The following CDC14A variants were observed in gnomAD, a reference collection of about 807,000 sequenced individuals.
The protein encoded by CDC14A is cell division cycle 14A.
In CDC14A, 53 loss-of-function variants were observed where a neutral mutation model predicts 74.4. That is an observed-to-expected ratio of 0.71 (90% CI 0.57 to 0.89). CDC14A has a LOEUF of 0.89. CDC14A is among the 40% of genes least tolerant of loss of function. The probability of loss-of-function intolerance (pLI) is 0.00; values close to 1 mark genes in which losing one functional copy is unlikely to be tolerated. For missense variants in CDC14A, 646 were observed against 713.7 expected (o/e 0.91, Z 1.08); for synonymous variants, 247 against 258.4 (o/e 0.96, Z 0.43).
At chr1:100,478,801 G>A (rs28364894) in intron 10 of CDC14A, among the ~76,000 whole-genome samples, 22 of 152,310 alleles carry the variant, frequency 1.4e-4, no homozygotes, top group South Asian at 1.0e-3. Context: ...AGCTTCTACT[G>A]AGTTGGATAT....
At chr1:100,454,582 C>T (rs17122548) in intron 7 of CDC14A, among the ~76,000 whole-genome samples, 18,511 of 152,066 alleles carry the variant, frequency 0.12, 3,334 homozygotes, top group African/African-American at 0.39. Flanking sequence ...CTTCTTAAGC[C>T]TTTTCTGAGG....
intron 7 of CDC14A, among the ~76,000 whole-genome samples, chr1:100,452,962 A>G (rs1202852352): frequency 8.5e-5 from 13 of 152,186 alleles, no homozygotes; most frequent in African/African-American, 3.1e-4. Flanking sequence ...ATAATTCACT[A>G]TGAATAAAGG....
chr1:100,411,413 A>T (rs1206517117), intron 4 of CDC14A, among the ~76,000 whole-genome samples: 1 of 152,012 alleles, frequency 6.6e-6, no homozygotes, highest in Non-Finnish European at 1.5e-5. Context: ...CTATTGCTTT[A>T]AAAAGTTTTT....
intron 3 of CDC14A, 46 bp downstream of exon 3, chr1:100,377,667 A>G (rs1184128726): frequency 2.1e-6 from 3 of 1,436,670 alleles, no homozygotes; most frequent in Admixed American, 3.4e-5. Flanking sequence ...AAACATTTGA[A>G]CCATAGGATC....
At chr1:100,417,926 T>C (rs1418627244) in intron 4 of CDC14A, among the ~76,000 whole-genome samples, 1 of 152,192 alleles carries the variant, frequency 6.6e-6, no homozygotes, top group Non-Finnish European at 1.5e-5. Context: ...TATGGGAAGC[T>C]TGGTTACTTG....
chr1:100,506,433 G>C (rs555757942), intron 15 of CDC14A, among the ~76,000 whole-genome samples: 1 of 152,208 alleles, frequency 6.6e-6, no homozygotes, highest in African/African-American at 2.4e-5. Flanking sequence ...CCTTCCCAAG[G>C]GGACCTGAGA....
chr1:100,419,830 G>C (rs1388742531), intron 4 of CDC14A, among the ~76,000 whole-genome samples: 1 of 151,790 alleles, frequency 6.6e-6, no homozygotes, highest in East Asian at 1.9e-4. Context: ...ACCTGGGAAA[G>C]GCTATTGTCA....
chr1:100,513,558 C>T (rs1649960833), intron 15 of CDC14A, among the ~76,000 whole-genome samples: 2 of 152,268 alleles, frequency 1.3e-5, no homozygotes, highest in Admixed American at 6.5e-5. Context: ...AACATTAAGA[C>T]ATCGTTACAT....
At chr1:100,490,213 C>T (rs1298968621) in intron 11 of CDC14A, among the ~76,000 whole-genome samples, 2 of 152,162 alleles carry the variant, frequency 1.3e-5, no homozygotes, top group African/African-American at 4.8e-5. Context: ...ATATTTATGT[C>T]TGTGTGTCTT....
Position 100,408,716 on chromosome 1 carries a change from G to A in CDC14A, c.310-15506G>A, listed in dbSNP as rs554669125. 5.8e-4 allele frequency among the ~76,000 whole-genome samples: 88 copies of A among 152,204 alleles called. 1 individual carries two copies. The highest frequency in any genetic ancestry group is 1.7e-3 in the African/African-American group (70 of 41,534). On this transcript the variant is annotated intron_variant, in intron 4 of 15. Coordinates refer to ENST00000336454, the MANE Select transcript of CDC14A (RefSeq NM_003672.4). ...TATGCTTGTTGACTGCATGTATGTC[G>A]TCTTTTGAAAGGTGTCTGCTCATGT...
In CDC14A at chr1:100,494,768, T is replaced by C. The variant is rs768130768; in HGVS notation, c.1138-50T>C. The C allele has an allele frequency of 9.2e-6, 9 of 980,670 alleles. No individual in the cohort carries two copies. In the East Asian group the frequency reaches 2.2e-4, roughly 24 times the overall value. The allele number at this position is 980,670 out of a possible 1,614,324, so 60.7% of individuals were successfully genotyped here. ...TATATATGTAGTCTGTTAAGAAACC[T>C]ATATAAAGCCAAATTTTGACCTTTC... On this transcript the variant is annotated intron_variant, in intron 11 of 15. Transcript: ENST00000336454.
At chr1:100,493,467 T>A (rs1170780691) in intron 11 of CDC14A, among the ~76,000 whole-genome samples, 2 of 152,234 alleles carry the variant, frequency 1.3e-5, no homozygotes, top group Non-Finnish European at 2.9e-5. Flanking sequence ...TGATTTCTGT[T>A]CTTGCAGGCT....
intron 5 of CDC14A, among the ~76,000 whole-genome samples, chr1:100,429,536 C>A (rs1353137522): frequency 6.6e-6 from 1 of 151,442 alleles, no homozygotes; most frequent in Non-Finnish European, 1.5e-5. Flanking sequence ...CTTTAAAAAA[C>A]TACTGATCCC....
intron 5 of CDC14A, among the ~76,000 whole-genome samples, chr1:100,436,586 G>A (rs1276913863): frequency 6.6e-6 from 1 of 151,814 alleles, no homozygotes; most frequent in Non-Finnish European, 1.5e-5. Context: ...CACCATGCCT[G>A]GCTAATTTTT....
intron 8 of CDC14A, among the ~76,000 whole-genome samples, chr1:100,457,305 A>G (rs917323456): frequency 6.6e-6 from 1 of 152,226 alleles, no homozygotes; most frequent in East Asian, 1.9e-4. Flanking sequence ...GCATCATAAC[A>G]TAGTTAATAT....
chr1:100,482,173 AT>A (rs1451420291), intron 10 of CDC14A, among the ~76,000 whole-genome samples: 1 of 152,104 alleles, frequency 6.6e-6, no homozygotes, highest in Non-Finnish European at 1.5e-5. Context: ...CAGAATTTTC[AT>A]TTTATAACTT....
At chr1:100,397,200 G>A (rs373889820) in intron 4 of CDC14A, among the ~76,000 whole-genome samples, 1 of 152,150 alleles carries the variant, frequency 6.6e-6, no homozygotes, top group South Asian at 2.1e-4. Flanking sequence ...CTGGAATGAT[G>A]TGGGCACTGG....
In CDC14A at chr1:100,496,049, G is replaced by C. The variant is rs774600719; in HGVS notation, c.1298G>C (p.Arg433Thr). The C allele has an allele frequency of 6.2e-7, 1 of 1,612,866 alleles. No homozygotes were observed. The highest frequency in any genetic ancestry group is 8.5e-7 in the Non-Finnish European group (1 of 1,178,898). The change falls in exon 13 of 16, where the codon AGA (arginine) becomes ACA (threonine). Residue 433 changes from arginine to threonine, a missense_variant and splice_region_variant. Physicochemically the swap from Arg to Thr is moderately conservative, Grantham distance 71 (BLOSUM62 -1). Transcript: ENST00000336454. ...CCAAGAGCAGTGTCCCAGCCTTTCA[G>C]GTACTGCCAATGAGGTTGAATGTCT... The part of the protein sequence containing the change: ...GHPRAVSQPF[R>T]LSSSLQGSAV...
At chr1:100,516,037 A>C (rs1285463609) in intron 15 of CDC14A, among the ~76,000 whole-genome samples, 2 of 152,226 alleles carry the variant, frequency 1.3e-5, no homozygotes, top group Non-Finnish European at 2.9e-5. Context: ...GGGGTTGGAA[A>C]AGGAAATAGT....
Sources: allele counts gnomAD v4.1 joint callset (sites outside exome capture counted in the v4.1 genomes callset), GRCh38; gene constraint gnomAD v4.1.1; transcripts MANE v1.5; gene names NCBI Gene and HGNC (gene_info 2026-07-23, HGNC 2026-07-21).